The following ADSL variants were observed in gnomAD, a reference collection of about 807,000 sequenced individuals.
The protein encoded by ADSL is adenylosuccinate lyase, also known as adenylosuccinase.
Under a neutral mutation model 62.1 loss-of-function variants are expected in ADSL, and 44 were observed. The ratio of observed to expected loss-of-function variants is 0.71; its 90% CI spans 0.56 to 0.91. The LOEUF (loss-of-function observed/expected upper bound fraction) is 0.91, where lower values mean the gene tolerates loss of function less well. Among genes scored for constraint, ADSL ranks in the 40% least tolerant of loss-of-function variants. The pLI is 0.00. For missense variants in ADSL, 531 were observed against 627.4 expected, an observed-to-expected ratio of 0.85 and a Z score of 1.64; for synonymous variants, 198 against 220.5, an observed-to-expected ratio of 0.90 and a Z score of 0.90.
chr22:40,357,012 C>T (rs1025204624), intron 4 of ADSL, among the ~76,000 whole-genome samples: 4 of 152,200 alleles, frequency 2.6e-5, no homozygotes, highest in African/African-American at 9.6e-5. Context: ...TCTCCCACCT[C>T]AGCCTCCCAA....
At chr22:40,348,151 A>C (rs2044213664) in intron 1 of ADSL, among the ~76,000 whole-genome samples, 1 of 152,202 alleles carries the variant, frequency 6.6e-6, no homozygotes, top group African/African-American at 2.4e-5. Context: ...AGAATAAGAG[A>C]TTAGGAGGAA....
In ADSL at chr22:40,346,672, A is replaced by T. The variant is rs377588571; in HGVS notation, c.114A>T (p.Thr38=). Residue 38 remains threonine, a synonymous_variant, in exon 1 of 13, where the codon ACA becomes ACT. Coordinates refer to ENST00000623063, the MANE Select transcript of ADSL (RefSeq NM_000026.4). ...FVFSDRYKFR[T]WRQLWLWLAE... ...TTAGCGACAGGTATAAATTCCGGAC[A>T]TGGCGGCAGCTGTGGCTGTGGCTGG... The T allele has an allele frequency of 6.2e-7, 1 of 1,612,668 alleles. No homozygotes were observed. The highest frequency in any genetic ancestry group is 1.7e-4 in the Middle Eastern group (1 of 6,058).
chr22:40,380,155 T>C (rs1388036720), intron 2 of ADSL, among the ~76,000 whole-genome samples: 2 of 152,162 alleles, frequency 1.3e-5, no homozygotes, highest in African/African-American at 4.8e-5. Flanking sequence ...TGAAGTGCTG[T>C]CCAAGAGAAC....
chr22:40,350,064 A>G (rs774811008), intron 2 of ADSL, 29 bp downstream of exon 2: 1 of 1,589,798 alleles, frequency 6.3e-7, no homozygotes, highest in South Asian at 1.1e-5. Flanking sequence ...TATACTTAAA[A>G]CTCAGTCTCT....
rs2146679026 is a variant in ADSL, at chr22:40,366,693, AC to A, written c.*172del. 1 of 623,648 alleles carries A rather than the reference AC, an allele frequency of 1.6e-6. No homozygotes were observed. The highest frequency in any genetic ancestry group is 2.9e-5 in the East Asian group (1 of 34,744). 38.6% of individuals were successfully genotyped at this position (623,648 alleles called of 1,614,324 possible). A position where few individuals can be genotyped will look rare whatever the true frequency, so the allele number is the denominator to read the frequency against. ...TCTCACATTTCTCAACAAGGCAAAAACAAAGAGCGTTGAAGTTGACTCTGCT... is the reference window on the plus strand; with the variant it reads ...TCTCACATTTCTCAACAAGGCAAAAAAAAGAGCGTTGAAGTTGACTCTGCT... On this transcript the variant is annotated 3_prime_UTR_variant, in exon 13 of 13. Coordinates refer to ENST00000623063, the MANE Select transcript of ADSL (RefSeq NM_000026.4).
Position 40,360,416 on chromosome 22 carries a change from C to T in ADSL, c.716C>T (p.Thr239Ile). 6.2e-7 allele frequency: 1 copy of T among 1,613,408 alleles called. No individual in the cohort carries two copies. The highest frequency in any genetic ancestry group is 8.5e-7 in the Non-Finnish European group (1 of 1,179,686). The change falls in exon 7 of 13, where the codon ACA becomes ATA. Residue 239 changes from threonine (T) to isoleucine (I), a missense_variant. Around this residue, in one of 2 missense-constraint regions of ADSL, gnomAD observed 471 missense variants for 592.9 expected, o/e 0.79. Coordinates refer to ENST00000623063, the MANE Select transcript of ADSL (RefSeq NM_000026.4). The stretch of plus-strand genomic sequence containing the variant: ...CTTATTCCTAGAGCTTTCATCATCA[C>T]AGGGCAGACATATACACGAAAAGTG... Reference protein sequence around the residue: ...KAGFKRAFIITGQTYTRKVDI... With the variant: ...KAGFKRAFIIIGQTYTRKVDI...
At chr22:40,358,201 A>T (rs1000441849) in intron 4 of ADSL, among the ~76,000 whole-genome samples, 1 of 152,234 alleles carries the variant, frequency 6.6e-6, no homozygotes, top group East Asian at 1.9e-4. Flanking sequence ...ATACTTGGCA[A>T]ATATTACACG....
chr22:40,359,176 G>GC (rs899544918), intron 5 of ADSL, 84 bp from the exon 6 acceptor site: 3 of 1,585,790 alleles, frequency 1.9e-6, no homozygotes, highest in Non-Finnish European at 2.6e-6. Context: ...GGGTTAGGGA[G>GC]CGAGACCTGG....
chr22:40,371,919 G>A (rs980620201), downstream of ADSL, among the ~76,000 whole-genome samples: 2 of 151,638 alleles, frequency 1.3e-5, no homozygotes, highest in Non-Finnish European at 2.9e-5. Context: ...GGCTGGTCTC[G>A]AACTCCTGAC....
rs1474733151 is a variant in ADSL, at chr22:40,375,771, C to T, written c.89+9273C>T. Among the ~76,000 whole-genome samples, 5 of 151,842 alleles carry T rather than the reference C, an allele frequency of 3.3e-5. No homozygotes were observed. In the South Asian group the frequency reaches 6.2e-4, roughly 19 times the overall value. On this transcript the variant is annotated intron_variant, in intron 2 of 2. Transcript: ENST00000498234. Reference sequence around the variant, plus strand: ...CTCTAAAGACATGAAACAGGCTGGGCTTATGTCTGTAATCCCAGCACTTTG... The same window carrying T: ...CTCTAAAGACATGAAACAGGCTGGGTTTATGTCTGTAATCCCAGCACTTTG...
At chr22:40,359,913 T>TA (rs2044714450) in intron 6 of ADSL, among the ~76,000 whole-genome samples, 2 of 152,220 alleles carry the variant, frequency 1.3e-5, no homozygotes, top group Admixed American at 1.3e-4. Context: ...TCCATGTTGT[T>TA]ACCATTTTTG....
At chr22:40,356,927 A>C (rs2044582983) in intron 4 of ADSL, among the ~76,000 whole-genome samples, 1 of 152,018 alleles carries the variant, frequency 6.6e-6, no homozygotes, top group South Asian at 2.1e-4. Context: ...ACAGAGTCTC[A>C]CTCTGTCACC....
chr22:40,347,860 G>A (rs553894448), intron 1 of ADSL, among the ~76,000 whole-genome samples: 1 of 152,354 alleles, frequency 6.6e-6, no homozygotes, highest in African/African-American at 2.4e-5. Context: ...GATAGCGATA[G>A]TAGTAGACCT....
intron 3 of ADSL, chr22:40,353,953 T>C (rs1460704864): frequency 4.2e-6 from 2 of 480,588 alleles, no homozygotes; most frequent in East Asian, 4.1e-5. Flanking sequence ...ACGAAGAGAG[T>C]GCAACCAAAG....
Position 40,349,939 on chromosome 22 carries a change from T to C in ADSL, c.261T>C (p.Asp87=). The C allele has an allele frequency of 6.2e-7, 1 of 1,614,194 alleles. No individual in the cohort carries two copies. The highest frequency in any genetic ancestry group is 8.5e-7 in the Non-Finnish European group (1 of 1,180,020). Residue 87 remains aspartate, a synonymous_variant, in exon 2 of 13, where the codon GAT becomes GAC. Coordinates refer to ENST00000623063, the MANE Select transcript of ADSL (RefSeq NM_000026.4). The part of the protein sequence containing the change: ...AAEEEKRLRH[D]VMAHVHTFGH... The stretch of plus-strand genomic sequence containing the variant: ...AGGAAGAGAAACGTTTACGACATGA[T>C]GTGATGGCTCACGTGCACACATTTG...
chr22:40,360,800 G>A (rs1215303420), intron 7 of ADSL, among the ~76,000 whole-genome samples: 1 of 149,862 alleles, frequency 6.7e-6, no homozygotes, highest in African/African-American at 2.5e-5. Context: ...TCGGCTCACT[G>A]CAACCTCCAC....
At chr22:40,384,242 C>CT (rs752920989) in intron 2 of ADSL, among the ~76,000 whole-genome samples, 118 of 152,052 alleles carry the variant, frequency 7.8e-4, no homozygotes, top group Non-Finnish European at 1.2e-3. Flanking sequence ...AACCCTGTCT[C>CT]TAACAACAAC....
downstream of ADSL, chr22:40,373,423 C>T (rs371102305): frequency 6.6e-6 from 1 of 152,222 alleles, no homozygotes; most frequent in Non-Finnish European, 1.5e-5. Flanking sequence ...CTTCTACCCT[C>T]AACTCTGTTG....
intron 1 of ADSL, 50 bp downstream of exon 1, chr22:40,346,761 C>T (rs1189736022): frequency 5.2e-6 from 8 of 1,545,538 alleles, no homozygotes; most frequent in Non-Finnish European, 4.4e-6. Flanking sequence ...GGGCCCGCCC[C>T]AGCACGTGCC....
Sources: allele counts gnomAD v4.1 joint callset (sites outside exome capture counted in the v4.1 genomes callset), GRCh38; gene constraint gnomAD v4.1.1; regional missense constraint gnomAD v4.1.1; transcripts MANE v1.5; gene names NCBI Gene and HGNC (gene_info 2026-07-23, HGNC 2026-07-21).